Variants in ARHGAP20 observed in about 807,000 individuals in gnomAD.
ARHGAP20 encodes Rho GTPase activating protein 20, also known as rho GTPase-activating protein 20.
ARHGAP20 carries 34 observed loss-of-function variants against 73.7 expected under a neutral mutation model. The ratio of observed to expected loss-of-function variants is 0.46; its 90% CI spans 0.35 to 0.61. The LOEUF is 0.61. Among genes scored for constraint, ARHGAP20 ranks in the 20% least tolerant of loss-of-function variants. ARHGAP20 has a pLI of 0.00. For synonymous variants in ARHGAP20, 523 were observed against 518.2 expected (o/e 1.01, Z -0.13); for missense variants, 1,314 against 1,420.9 (o/e 0.92, Z 1.21).
At chr11:110,587,718 A>G (rs1352347734) in intron 11 of ARHGAP20, among the ~76,000 whole-genome samples, 1 of 152,172 alleles carries the variant, frequency 6.6e-6, no homozygotes, top group African/African-American at 2.4e-5. Context: ...AGATTTTAAG[A>G]TAATTTGAAA....
intron 2 of ARHGAP20, among the ~76,000 whole-genome samples, chr11:110,677,098 TATC>T (rs2135083394): frequency 6.6e-6 from 1 of 152,318 alleles, no homozygotes; most frequent in South Asian, 2.1e-4. Context: ...TGGTCTTCAT[TATC>T]ATGATGTTTC....
At chr11:110,613,216 T>C (rs1007183066) in intron 6 of ARHGAP20, among the ~76,000 whole-genome samples, 3 of 152,188 alleles carry the variant, frequency 2.0e-5, no homozygotes, top group African/African-American at 7.2e-5. Context: ...CTTTGGCTAG[T>C]AAACAAATAA....
At chr11:110,606,165 G>T (rs1264469140) in intron 9 of ARHGAP20, among the ~76,000 whole-genome samples, 2 of 152,144 alleles carry the variant, frequency 1.3e-5, no homozygotes, top group South Asian at 2.1e-4. Flanking sequence ...TCCAGGTAGG[G>T]CATCACAATC....
At position 110,629,333 on chromosome 11, in the gene ARHGAP20, T is replaced by C. The variant is rs182321154; in HGVS notation, c.353+1295A>G. Among the ~76,000 whole-genome samples, 233 of 152,314 alleles carry C rather than the reference T, an allele frequency of 1.5e-3. 1 individual carries two copies. The highest frequency in any genetic ancestry group is 5.2e-3 in the African/African-American group (218 of 41,580). Reference sequence around the variant, plus strand: ...TTCAATATCTGAAACAACTCTTATCTTGGGGGATTGTTAGGATAATTAAAC... The same window carrying C: ...TTCAATATCTGAAACAACTCTTATCCTGGGGGATTGTTAGGATAATTAAAC... On this transcript the variant is annotated intron_variant, in intron 3 of 14. Transcript: ENST00000683387.
chr11:110,638,896 T>C (rs1266837423), intron 2 of ARHGAP20, among the ~76,000 whole-genome samples: 4 of 152,066 alleles, frequency 2.6e-5, no homozygotes, highest in African/African-American at 9.7e-5. Flanking sequence ...ATATACCTAA[T>C]GTTAAATGAC....
At chr11:110,602,809 G>A (rs1187685221) in intron 9 of ARHGAP20, among the ~76,000 whole-genome samples, 1 of 152,196 alleles carries the variant, frequency 6.6e-6, no homozygotes, top group African/African-American at 2.4e-5. Flanking sequence ...AAGTTGTTTA[G>A]TCAAGAAGTC....
rs141652680 is a variant in ARHGAP20, at chr11:110,666,784, C to T, written c.188+23763G>A. On this transcript the variant is annotated intron_variant, in intron 2 of 14. Transcript: ENST00000683387. ...CTGTGATCAGTAATCTTTGATGTTA[C>T]TATTGTAATTGTTTTGGGGCACTGT... Among the ~76,000 whole-genome samples, 572 of 152,228 alleles carry T rather than the reference C, an allele frequency of 3.8e-3. 3 individuals are homozygous for T. Among genetic ancestry groups the T allele is most frequent in the African/African-American group, 0.013 (523 of 41,528 alleles).
At chr11:110,650,158 A>T (rs1369504551) in intron 2 of ARHGAP20, among the ~76,000 whole-genome samples, 1 of 152,116 alleles carries the variant, frequency 6.6e-6, no homozygotes, top group Non-Finnish European at 1.5e-5. Context: ...CTTATTTTAT[A>T]TCTATATGCC....
chr11:110,585,107 ATG>A (rs1342730197), intron 12 of ARHGAP20, among the ~76,000 whole-genome samples: 2 of 150,230 alleles, frequency 1.3e-5, no homozygotes, highest in Non-Finnish European at 3.0e-5. Flanking sequence ...ATATGAATAT[ATG>A]TGAATATATA....
At position 110,711,890 on chromosome 11, in the gene ARHGAP20, C is replaced by G. The variant is rs986728044; in HGVS notation, c.105+237G>C. 4 of 1,304,436 alleles carry G rather than the reference C, an allele frequency of 3.1e-6. No homozygotes were observed. In the East Asian group the frequency reaches 9.4e-5, roughly 31 times the overall value. 80.8% of individuals were successfully genotyped at this position (1,304,436 alleles called of 1,614,324 possible). On this transcript the variant is annotated intron_variant, in intron 1 of 14. Transcript: ENST00000683387. ...ACGGGAGGGAGGCTGCGAGGTCGCT[C>G]GAGGAGAGACTAAGGCTCTAGAAAC...
Position 110,579,929 on chromosome 11 carries a change from G to A in ARHGAP20, c.3017C>T (p.Ser1006Leu). ...GGCTGGGCGGCTGCAAGCCTGCCCT[G>A]ATGAGGGACCGGGCATTCCGGAAAC... The part of the protein sequence containing the change: ...SHVSGMPGPS[S>L]GQACSRPAYT... The change falls in exon 15 of 15, where the codon TCA becomes TTA. Residue 1006 changes from serine (S) to leucine (L), a missense_variant. Coordinates refer to ENST00000683387, the MANE Select transcript of ARHGAP20 (RefSeq NM_001384657.1). 1 of 1,614,240 alleles carries A rather than the reference G, an allele frequency of 6.2e-7. No individual in the cohort carries two copies. Among genetic ancestry groups the A allele is most frequent in the Middle Eastern group, 1.6e-4 (1 of 6,062 alleles).
At chr11:110,666,026 TAC>T (rs1051855438) in intron 2 of ARHGAP20, among the ~76,000 whole-genome samples, 1 of 151,956 alleles carries the variant, frequency 6.6e-6, no homozygotes, top group Non-Finnish European at 1.5e-5. Flanking sequence ...CACACATATA[TAC>T]ACACACATAT....
intron 2 of ARHGAP20, among the ~76,000 whole-genome samples, chr11:110,631,873 G>C (rs773936498): frequency 6.6e-6 from 1 of 152,104 alleles, no homozygotes; most frequent in South Asian, 2.1e-4. Context: ...TCACCCCAGA[G>C]GTAACCACTA....
Position 110,579,247 on chromosome 11 carries a change from T to C in ARHGAP20, c.*123A>G, listed in dbSNP as rs936839137. On this transcript the variant is annotated 3_prime_UTR_variant, in exon 15 of 15. Transcript: ENST00000683387. ...AAGAGAATTATTTCGTTGTCCTAAG[T>C]ATTAGCAATGATAATCCTTATGCTA... 7.0e-7 allele frequency: 1 copy of C among 1,426,708 alleles called. No individual in the cohort carries two copies. Among genetic ancestry groups the C allele is most frequent in the African/African-American group, 1.4e-5 (1 of 70,868 alleles). 88.4% of individuals were successfully genotyped at this position (1,426,708 alleles called of 1,614,324 possible). A position where few individuals can be genotyped will look rare whatever the true frequency, so the allele number is the denominator to read the frequency against.
At chr11:110,651,467 A>G (rs1329080196) in intron 2 of ARHGAP20, among the ~76,000 whole-genome samples, 6 of 152,064 alleles carry the variant, frequency 3.9e-5, no homozygotes, top group Non-Finnish European at 8.8e-5. Context: ...TGAAATATTA[A>G]TAGACTGCTA....
At chr11:110,712,675 A>G (rs964010333), upstream of ARHGAP20, 1 of 152,528 alleles carries the variant, frequency 6.6e-6, no homozygotes, top group Non-Finnish European at 1.5e-5. Context: ...AGCCCGCAGG[A>G]GCTCATCGGC....
rs116989962 is a variant in ARHGAP20 at position 110,653,908 on chromosome 11, C to T, written c.189-23116G>A. Among the ~76,000 whole-genome samples, 469 of 152,262 alleles carry T rather than the reference C, an allele frequency of 3.1e-3. 1 individual carries two copies. The highest frequency in any genetic ancestry group is 6.8e-3 in the Middle Eastern group (2 of 294). On this transcript the variant is annotated intron_variant, in intron 2 of 14. Transcript: ENST00000683387. ...CCATAAGAAGGAACAAGATAATGTC[C>T]TTTGCATGGACATGGATGGAGCTGG... is the stretch of plus-strand genomic sequence containing the variant.
intron 9 of ARHGAP20, among the ~76,000 whole-genome samples, chr11:110,602,318 T>G (rs992926290): frequency 6.6e-6 from 1 of 152,214 alleles, no homozygotes; most frequent in Admixed American, 6.5e-5. Flanking sequence ...CAGATAACTT[T>G]GTTATGGAAC....
chr11:110,703,402 A>G lies in ARHGAP20; in HGVS notation c.105+8725T>C, dbSNP rs983317706. ...CTTAATTCTGGACCCTAGTTCTACC[A>G]CTTAATTTCTCAGATTTTCTCTAAA... On this transcript the variant is annotated intron_variant, in intron 1 of 14. Coordinates refer to ENST00000683387, the MANE Select transcript of ARHGAP20 (RefSeq NM_001384657.1). Among the ~76,000 whole-genome samples the G allele has an allele frequency of 2.0e-5, 3 of 152,170 alleles. No individual in the cohort carries two copies. In the East Asian group the frequency reaches 5.8e-4, roughly 29 times the overall value.
Sources: gnomAD v4.1 joint callset for allele counts (sites outside exome capture counted in the v4.1 genomes callset) on GRCh38, gnomAD v4.1.1 for gene constraint, MANE v1.5 for transcripts, NCBI Gene and HGNC (gene_info 2026-07-23, HGNC 2026-07-21) for gene names.